The following ADAMTS19 variants were observed in gnomAD, a reference collection of about 807,000 sequenced individuals.
ADAMTS19 encodes ADAM metallopeptidase with thrombospondin type 1 motif 19, also known as A disintegrin and metalloproteinase with thrombospondin motifs 19.
A neutral mutation model predicts 153.3 loss-of-function variants in ADAMTS19; 93 were observed. That is an observed-to-expected ratio of 0.61 (90% CI 0.51 to 0.72). ADAMTS19 has a LOEUF of 0.72. Among genes scored for constraint, ADAMTS19 ranks in the 30% least tolerant of loss-of-function variants. The probability of loss-of-function intolerance (pLI) is 0.00; values close to 1 mark genes in which losing one functional copy is unlikely to be tolerated. For synonymous variants in ADAMTS19, 600 were observed against 556.6 expected, an observed-to-expected ratio of 1.08 and a Z score of -1.10; for missense variants, 1,482 against 1,552.1, an observed-to-expected ratio of 0.95 and a Z score of 0.76.
chr5:129,536,316 C>T (rs1752423420), intron 6 of ADAMTS19, among the ~76,000 whole-genome samples: 1 of 152,166 alleles, frequency 6.6e-6, no homozygotes, highest in Admixed American at 6.5e-5. Context: ...AAAAAATGCT[C>T]ATCATCACTG....
intron 18 of ADAMTS19, among the ~76,000 whole-genome samples, chr5:129,684,478 A>G (rs888892813): frequency 7.7e-6 from 1 of 129,340 alleles, no homozygotes; most frequent in African/African-American, 2.7e-5. Context: ...TTGTTAACAT[A>G]TCTCAATATG....
At chr5:129,657,819 G>T (rs890321230) in intron 14 of ADAMTS19, among the ~76,000 whole-genome samples, 2 of 152,154 alleles carry the variant, frequency 1.3e-5, no homozygotes, top group Non-Finnish European at 2.9e-5. Context: ...CACTTTAAAA[G>T]TTAAGCCATC....
At chr5:129,702,971 T>TATATATATATAC (rs1389589629) in intron 20 of ADAMTS19, among the ~76,000 whole-genome samples, 12 of 129,782 alleles carry the variant, frequency 9.2e-5, no homozygotes, top group African/African-American at 1.3e-4. Context: ...TATATATATA[T>TATATATATATAC]ACAAATACAT....
At chr5:129,588,401 C>T (rs567129900) in intron 7 of ADAMTS19, among the ~76,000 whole-genome samples, 46 of 151,978 alleles carry the variant, frequency 3.0e-4, no homozygotes, top group Non-Finnish European at 5.9e-4. Flanking sequence ...CATGTTTGAA[C>T]ATAATATGAA....
chr5:129,461,303 A>T lies in ADAMTS19; in HGVS notation c.293A>T (p.Glu98Val). ...CGCTCTGTGGCTCCGGTGCCTTTGG[A>T]GGAGCCCGTGGAGGGCCGATCAGAG... ...EVRSVAPVPL[E>V]EPVEGRSESR... The change falls in exon 2 of 23, where the codon GAG (glutamate) becomes GTG (valine). Residue 98 changes from glutamate (E) to valine (V), a missense_variant. Glu to Val is a moderately radical substitution (Grantham distance 121). Around this residue, in one of 2 missense-constraint regions of ADAMTS19, gnomAD observed 866 missense variants for 827.7 expected, o/e 1.05. Transcript: ENST00000274487. The surrounding 1 kb of genome is among the most constrained non-coding windows in gnomAD (Gnocchi z 4.6). 7.7e-7 allele frequency: 1 copy of T among 1,307,094 alleles called. No homozygotes were observed. The highest frequency in any genetic ancestry group is 9.7e-7 in the Non-Finnish European group (1 of 1,035,248). The allele number at this position is 1,307,094 out of a possible 1,614,324, so 81.0% of individuals were successfully genotyped here. A position where few individuals can be genotyped will look rare whatever the true frequency, so the allele number is the denominator to read the frequency against.
chr5:129,715,945 C>T (rs1157461271), intron 21 of ADAMTS19, among the ~76,000 whole-genome samples: 1 of 152,018 alleles, frequency 6.6e-6, no homozygotes, highest in African/African-American at 2.4e-5. Flanking sequence ...TTCTGAGAAA[C>T]TCCCTCTGTA....
chr5:129,728,659 T>C (rs1757310470), intron 21 of ADAMTS19, among the ~76,000 whole-genome samples: 1 of 152,142 alleles, frequency 6.6e-6, no homozygotes, highest in Non-Finnish European at 1.5e-5. Flanking sequence ...AAATATTACA[T>C]GACTGGCTAA....
At chr5:129,679,976 A>T in intron 17 of ADAMTS19, 55 bp downstream of exon 17, 1 of 1,482,128 alleles carries the variant, frequency 6.7e-7, no homozygotes, top group Admixed American at 2.1e-5. Flanking sequence ...GGCAAGGAAT[A>T]TTCCCAGTGC....
At chr5:129,583,671 C>T (rs62399011) in intron 7 of ADAMTS19, among the ~76,000 whole-genome samples, 9,239 of 151,604 alleles carry the variant, frequency 0.061, 414 homozygotes, top group Non-Finnish European at 0.088. Flanking sequence ...GATCTTCAAT[C>T]TCTGATATCC....
intron 19 of ADAMTS19, among the ~76,000 whole-genome samples, chr5:129,699,594 A>C (rs1291419255): frequency 6.6e-6 from 1 of 152,122 alleles, no homozygotes; most frequent in Non-Finnish European, 1.5e-5. Flanking sequence ...TTCCCTAGGG[A>C]ATATCTAATA....
At chr5:129,713,241 T>C (rs1053884765) in intron 21 of ADAMTS19, among the ~76,000 whole-genome samples, 9 of 152,180 alleles carry the variant, frequency 5.9e-5, no homozygotes, top group African/African-American at 1.9e-4. Flanking sequence ...TGAACAAATA[T>C]GAGAATTTGA....
chr5:129,556,251 T>C (rs1378221689), intron 7 of ADAMTS19, among the ~76,000 whole-genome samples: 1 of 152,206 alleles, frequency 6.6e-6, no homozygotes, highest in African/African-American at 2.4e-5. Context: ...TAAAAACATA[T>C]GTGCATTTTC....
intron 2 of ADAMTS19, among the ~76,000 whole-genome samples, chr5:129,478,583 G>A (rs537564930): frequency 2.0e-5 from 3 of 152,222 alleles, no homozygotes; most frequent in Admixed American, 2.0e-4. Flanking sequence ...GTCTTGCTCT[G>A]TCATCCAGTC....
intron 18 of ADAMTS19, among the ~76,000 whole-genome samples, chr5:129,694,213 A>G (rs1294876933): frequency 6.6e-6 from 1 of 152,222 alleles, no homozygotes; most frequent in Non-Finnish European, 1.5e-5. Context: ...TTTATTACTC[A>G]TCCCTTTTAA....
At chr5:129,550,987 T>C (rs1289892588) in intron 6 of ADAMTS19, among the ~76,000 whole-genome samples, 2 of 151,698 alleles carry the variant, frequency 1.3e-5, no homozygotes, top group Non-Finnish European at 3.0e-5. Flanking sequence ...TTCAATACCT[T>C]ATATGTGTTA....
intron 7 of ADAMTS19, among the ~76,000 whole-genome samples, chr5:129,572,886 G>A (rs1753963606): frequency 6.6e-6 from 1 of 151,942 alleles, no homozygotes; most frequent in African/African-American, 2.4e-5. Context: ...GGACAGTACA[G>A]TAAAAAGAAA....
intron 2 of ADAMTS19, among the ~76,000 whole-genome samples, chr5:129,494,272 C>T (rs576581807): frequency 6.6e-6 from 1 of 152,218 alleles, no homozygotes; most frequent in South Asian, 2.1e-4. Flanking sequence ...TGTGGGGCTA[C>T]TGATTTTCAG....
At chr5:129,709,170 G>A (rs1182385173) in intron 21 of ADAMTS19, among the ~76,000 whole-genome samples, 1 of 152,000 alleles carries the variant, frequency 6.6e-6, no homozygotes, top group African/African-American at 2.4e-5. Flanking sequence ...CTAGATACCT[G>A]CTTTCTAGCA....
chr5:129,515,302 G>A (rs953394050), intron 3 of ADAMTS19, among the ~76,000 whole-genome samples: 1 of 151,440 alleles, frequency 6.6e-6, no homozygotes, highest in Non-Finnish European at 1.5e-5. Flanking sequence ...TAAGTTTTAG[G>A]ACTGTTTTTT....
Sources: gnomAD v4.1 joint callset for allele counts (sites outside exome capture counted in the v4.1 genomes callset) on GRCh38, gnomAD v4.1.1 for gene constraint, gnomAD v4.1.1 regional missense constraint, Gnocchi (gnomAD v3.1) non-coding constraint, MANE v1.5 for transcripts, NCBI Gene and HGNC (gene_info 2026-07-23, HGNC 2026-07-21) for gene names.